Variants in CMIP observed in about 807,000 individuals in gnomAD.
CMIP encodes the protein c-Maf inducing protein, also known as C-Maf-inducing protein.
CMIP carries 13 observed loss-of-function variants against 97.3 expected under a neutral mutation model. The observed-to-expected ratio is 0.13, with a 90% CI of 0.09 to 0.21. The LOEUF (loss-of-function observed/expected upper bound fraction) is 0.21, where lower values mean the gene tolerates loss of function less well. Among genes scored for constraint, CMIP ranks in the 10% least tolerant of loss-of-function variants. CMIP has a pLI of 1.00. For synonymous variants in CMIP, 538 were observed against 436.3 expected (o/e 1.23, Z -2.91); for missense variants, 847 against 1,024.9 (o/e 0.83, Z 2.37).
chr16:81,485,802 C>A (rs560217489), intron 1 of CMIP, among the ~76,000 whole-genome samples: 1 of 152,302 alleles, frequency 6.6e-6, no homozygotes, highest in African/African-American at 2.4e-5. Flanking sequence ...GAAGGGGAAG[C>A]TGAGGCGAAA....
At chr16:81,674,966 G>GAA (rs567531374) in intron 9 of CMIP, among the ~76,000 whole-genome samples, 1 of 136,316 alleles carries the variant, frequency 7.3e-6, no homozygotes, top group African/African-American at 2.9e-5. Flanking sequence ...TTTAAAAAAA[G>GAA]AAAGAAAGAA....
At chr16:81,533,983 A>G (rs989557754) in intron 1 of CMIP, 1 of 152,126 alleles carries the variant, frequency 6.6e-6, no homozygotes, top group African/African-American at 2.4e-5. Context: ...AGAGATGAGC[A>G]TTTTCTTCTC....
chr16:81,662,839 T>C (rs1333189068), intron 6 of CMIP, among the ~76,000 whole-genome samples: 2 of 152,184 alleles, frequency 1.3e-5, no homozygotes, highest in East Asian at 3.9e-4. Context: ...ACCCGAGTGC[T>C]AAAGCCACCA....
intron 3 of CMIP, among the ~76,000 whole-genome samples, chr16:81,629,586 A>G (rs1752822823): frequency 6.6e-6 from 1 of 152,074 alleles, no homozygotes; most frequent in African/African-American, 2.4e-5. Context: ...TTTTACGATC[A>G]CTTCAAGGTC....
At chr16:81,604,506 T>A (rs764388196) in intron 1 of CMIP, among the ~76,000 whole-genome samples, 7 of 151,156 alleles carry the variant, frequency 4.6e-5, no homozygotes, top group Non-Finnish European at 8.8e-5. Flanking sequence ...AAGACCAGCC[T>A]GGCCAAGATG....
intron 8 of CMIP, among the ~76,000 whole-genome samples, chr16:81,670,849 G>A (rs1439794211): frequency 6.6e-6 from 1 of 152,042 alleles, no homozygotes; most frequent in Non-Finnish European, 1.5e-5. Context: ...TTTGTTTTGA[G>A]ATGGAGTCTC....
At chr16:81,604,604 G>A (rs2091711643) in intron 1 of CMIP, among the ~76,000 whole-genome samples, 1 of 152,148 alleles carries the variant, frequency 6.6e-6, no homozygotes, top group Admixed American at 6.5e-5. Context: ...GGGAGGCTGA[G>A]GCAGAGAATT....
At chr16:81,657,166 A>G (rs1327542512) in intron 4 of CMIP, among the ~76,000 whole-genome samples, 1 of 152,156 alleles carries the variant, frequency 6.6e-6, no homozygotes, top group Admixed American at 6.5e-5. Flanking sequence ...AGGAAACAGG[A>G]CCCCTAAAAT....
chr16:81,657,707 C>A (rs995889260), intron 4 of CMIP, 68 bp from the exon 5 acceptor site: 5 of 1,308,866 alleles, frequency 3.8e-6, no homozygotes, highest in Non-Finnish European at 4.2e-6. Context: ...ATCTTGAAAT[C>A]CAAATGCTCG....
At chr16:81,466,730 A>G (rs1193116361) in intron 1 of CMIP, among the ~76,000 whole-genome samples, 1 of 152,172 alleles carries the variant, frequency 6.6e-6, no homozygotes, top group Non-Finnish European at 1.5e-5. Flanking sequence ...TGCATTGACC[A>G]TGGGGGGCTT....
intron 1 of CMIP, among the ~76,000 whole-genome samples, chr16:81,475,149 C>A (rs946488834): frequency 3.9e-5 from 6 of 152,030 alleles, no homozygotes; most frequent in Non-Finnish European, 7.4e-5. Flanking sequence ...CCTCCCTTCT[C>A]TCCCTCCCTC....
At chr16:81,661,059 G>C (rs925924299) in intron 6 of CMIP, 113 bp downstream of exon 6, 1 of 1,303,802 alleles carries the variant, frequency 7.7e-7, no homozygotes, top group African/African-American at 1.5e-5. Context: ...ACCGTCTTGG[G>C]TCACGGTCCC....
chr16:81,454,553 C>A (rs551426553), intron 1 of CMIP, among the ~76,000 whole-genome samples: 1 of 152,202 alleles, frequency 6.6e-6, no homozygotes, highest in South Asian at 2.1e-4. Flanking sequence ...TGAATGCCAG[C>A]TATTCGTAAA....
intron 1 of CMIP, among the ~76,000 whole-genome samples, chr16:81,461,034 T>A (rs1282148627): frequency 6.6e-6 from 1 of 152,214 alleles, no homozygotes; most frequent in African/African-American, 2.4e-5. Context: ...CCGCCCAGGT[T>A]TGAGCCCAGA....
In CMIP at chr16:81,654,231, T is replaced by TTTATTATTATTATTA. The variant is rs58919554; in HGVS notation, c.639+1877_639+1891dup. Among the ~76,000 whole-genome samples, 206 of 150,822 alleles carry TTTATTATTATTATTA rather than the reference T, an allele frequency of 1.4e-3. 1 individual carries two copies. The highest frequency in any genetic ancestry group is 4.8e-3 in the African/African-American group (196 of 40,702). The stretch of plus-strand genomic sequence containing the variant: ...TTGGCCTTCACATCCCTCCTTGGGC[T>TTTATTATTATTATTA]TTATTATTATTATTATTATTATTAA... On this transcript the variant is annotated intron_variant, in intron 4 of 20. Transcript: ENST00000537098.
chr16:81,645,717 T>C (rs2092357026), intron 3 of CMIP: 2 of 1,237,396 alleles, frequency 1.6e-6, no homozygotes, highest in Non-Finnish European at 2.3e-6. Context: ...CTGGTGGGGC[T>C]TGGGCTCGGA....
At chr16:81,461,041 CA>C (rs1906868040) in intron 1 of CMIP, among the ~76,000 whole-genome samples, 1 of 152,218 alleles carries the variant, frequency 6.6e-6, no homozygotes. Context: ...GGTTTGAGCC[CA>C]GATGCGAGGT....
chr16:81,680,999 C>T (rs1351245152), intron 10 of CMIP, among the ~76,000 whole-genome samples: 2 of 152,226 alleles, frequency 1.3e-5, no homozygotes, highest in Non-Finnish European at 2.9e-5. Context: ...TCTCCCCCAT[C>T]TGCGTCCAGA....
At chr16:81,462,516 T>A (rs77079936) in intron 1 of CMIP, among the ~76,000 whole-genome samples, 56 of 150,508 alleles carry the variant, frequency 3.7e-4, no homozygotes, top group Non-Finnish European at 3.1e-4. Context: ...AAAAAAAAAA[T>A]GTTTCATTAA....
Sources: allele counts gnomAD v4.1 joint callset (sites outside exome capture counted in the v4.1 genomes callset), GRCh38; gene constraint gnomAD v4.1.1; transcripts MANE v1.5; gene names NCBI Gene and HGNC (gene_info 2026-07-23, HGNC 2026-07-21).